MINDY4B: variants seen among roughly 807,000 people sequenced by gnomAD.
The protein encoded by MINDY4B is MINDY family member 4B.
A neutral mutation model predicts 16.7 loss-of-function variants in MINDY4B; 25 were observed. The ratio of observed to expected loss-of-function variants is 1.49; its 90% CI spans 1.09 to 2.09. The LOEUF (loss-of-function observed/expected upper bound fraction) is 2.09. MINDY4B is among the 30% of genes most tolerant of loss of function. The pLI is 0.00. For synonymous variants in MINDY4B, 132 were observed against 61.9 expected (o/e 2.13, Z -5.32); for missense variants, 327 against 168.4 (o/e 1.94, Z -5.21).
intron 7 of MINDY4B, among the ~76,000 whole-genome samples, chr3:150,890,035 C>T (rs573788882): frequency 6.6e-6 from 1 of 152,184 alleles, no homozygotes; most frequent in South Asian, 2.1e-4. Flanking sequence ...GATTGCTTGC[C>T]ACAAAAGAAA....
At chr3:150,892,894 C>G (rs1368109308) in intron 5 of MINDY4B, among the ~76,000 whole-genome samples, 1 of 150,198 alleles carries the variant, frequency 6.7e-6, no homozygotes, top group Non-Finnish European at 1.5e-5. Context: ...GAGCCGAGAT[C>G]ATGCCATTGC....
At chr3:150,896,915 T>C (rs1204650379) in intron 3 of MINDY4B, among the ~76,000 whole-genome samples, 2 of 152,152 alleles carry the variant, frequency 1.3e-5, no homozygotes, top group African/African-American at 4.8e-5. Flanking sequence ...TTGCCACACA[T>C]GATAAAAATA....
intron 11 of MINDY4B, among the ~76,000 whole-genome samples, chr3:150,872,334 A>C (rs1716990044): frequency 6.6e-6 from 1 of 152,256 alleles, no homozygotes. Context: ...CACAAATAAA[A>C]TAGTCACTAG....
At chr3:150,874,005 ATTT>A (rs558319330) in intron 10 of MINDY4B, among the ~76,000 whole-genome samples, 1,426 of 81,944 alleles carry the variant, frequency 0.017, 34 homozygotes, top group African/African-American at 0.063. Flanking sequence ...TTTAGCCTTG[ATTT>A]TTTTTTTTTT....
intron 3 of MINDY4B, among the ~76,000 whole-genome samples, chr3:150,897,327 G>C (rs1427917547): frequency 2.3e-5 from 3 of 130,322 alleles, no homozygotes. Flanking sequence ...GGAACTGTGT[G>C]TGTGTGTGTG....
At chr3:150,901,522 C>CTTTTTTTTTTTTTTT (rs10556676) in intron 3 of MINDY4B, 8 of 134,958 alleles carry the variant, frequency 5.9e-5, no homozygotes, top group Non-Finnish European at 1.1e-4. Context: ...CTTTTCTTTT[C>CTTTTTTTTTTTTTTT]TTTTTTTTTT....
intron 2 of MINDY4B, among the ~76,000 whole-genome samples, chr3:150,904,070 AG>A (rs917294471): frequency 6.6e-6 from 1 of 152,176 alleles, no homozygotes; most frequent in Non-Finnish European, 1.5e-5. Flanking sequence ...CCACCTTCTT[AG>A]TTTTTCTGTA....
chr3:150,887,873 T>C (rs13097589), intron 7 of MINDY4B, among the ~76,000 whole-genome samples: 10,247 of 151,748 alleles, frequency 0.068, 481 homozygotes, highest in African/African-American at 0.13. Flanking sequence ...CTTTGGGAGG[T>C]TGAGGCGGGC....
At chr3:150,900,911 G>A (rs1712100055) in intron 3 of MINDY4B, among the ~76,000 whole-genome samples, 1 of 152,142 alleles carries the variant, frequency 6.6e-6, no homozygotes, top group Non-Finnish European at 1.5e-5. Context: ...TTGTGTGTGT[G>A]TTTAAAAAAT....
chr3:150,890,892 G>C (rs1306615025), intron 6 of MINDY4B, 46 bp downstream of exon 6: 1 of 695,466 alleles, frequency 1.4e-6, no homozygotes, highest in Non-Finnish European at 2.6e-6. Flanking sequence ...ACATGCTCAG[G>C]CTTCACTGGC....
chr3:150,904,035 A>G (rs918150678), intron 2 of MINDY4B, among the ~76,000 whole-genome samples: 1 of 152,206 alleles, frequency 6.6e-6, no homozygotes, highest in African/African-American at 2.4e-5. Context: ...AATCTGTCCT[A>G]TTGGTGGCTG....
chr3:150,877,952 A>C (rs1711499290), intron 10 of MINDY4B, among the ~76,000 whole-genome samples: 1 of 152,306 alleles, frequency 6.6e-6, no homozygotes. Context: ...CAGTGGACAG[A>C]ATGTGATCAT....
At chr3:150,895,137 T>C (rs943494948) in intron 3 of MINDY4B, among the ~76,000 whole-genome samples, 6 of 152,222 alleles carry the variant, frequency 3.9e-5, no homozygotes, top group African/African-American at 1.4e-4. Flanking sequence ...TTTAATTTTA[T>C]GCAGTTGGTG....
intron 10 of MINDY4B, among the ~76,000 whole-genome samples, chr3:150,877,834 T>C (rs1711499006): frequency 6.6e-6 from 1 of 152,198 alleles, no homozygotes. Flanking sequence ...ATAGATATAA[T>C]AGATGATAAA....
At chr3:150,897,223 CAG>C (rs1711995315) in intron 3 of MINDY4B, among the ~76,000 whole-genome samples, 1 of 151,948 alleles carries the variant, frequency 6.6e-6, no homozygotes, top group African/African-American at 2.4e-5. Flanking sequence ...TTACCTGTAA[CAG>C]AGGGGAGACT....
intron 3 of MINDY4B, among the ~76,000 whole-genome samples, chr3:150,895,087 A>G (rs1475901068): frequency 6.6e-6 from 1 of 152,210 alleles, no homozygotes; most frequent in Non-Finnish European, 1.5e-5. Flanking sequence ...TTTTCTATGA[A>G]CCAGGCTCTG....
chr3:150,885,591 C>G (rs908565000), intron 7 of MINDY4B, among the ~76,000 whole-genome samples, 153 bp from the exon 8 acceptor site: 1 of 152,200 alleles, frequency 6.6e-6, no homozygotes, highest in Non-Finnish European at 1.5e-5. Flanking sequence ...AGTCTTCCTA[C>G]TCTAAAATTT....
At position 150,888,186 on chromosome 3, in the gene MINDY4B, G is replaced by A. The variant is rs138445438; in HGVS notation, c.753+2134C>T. 8.6e-3 allele frequency among the ~76,000 whole-genome samples: 1,316 copies of A among 152,188 alleles called. 19 individuals are homozygous for A. Among genetic ancestry groups the A allele is most frequent in the African/African-American group, 0.03 (1,262 of 41,520 alleles). On this transcript the variant is annotated intron_variant, in intron 7 of 11. Coordinates refer to ENST00000465419, the MANE Select transcript of MINDY4B (RefSeq NM_001351281.2). ...TCCTTGCATATTCCTGGTTTCTGGTGGTTGCCGCCATTCCTTGGCTTGGAG... is the reference window on the plus strand; with the variant it reads ...TCCTTGCATATTCCTGGTTTCTGGTAGTTGCCGCCATTCCTTGGCTTGGAG...
intron 9 of MINDY4B, 91 bp from the exon 10 acceptor site, chr3:150,883,149 T>G (rs1168067031): frequency 1.7e-6 from 1 of 577,192 alleles, no homozygotes; most frequent in Non-Finnish European, 3.1e-6. Flanking sequence ...AAAATTATTT[T>G]TAGTGAAAAG....
Sources: gnomAD v4.1 joint callset for allele counts (sites outside exome capture counted in the v4.1 genomes callset) on GRCh38, gnomAD v4.1.1 for gene constraint, MANE v1.5 for transcripts, NCBI Gene and HGNC (gene_info 2026-07-23, HGNC 2026-07-21) for gene names.